Variants in E2F3 observed in about 807,000 individuals in gnomAD.
E2F3 encodes transcription factor E2F3.
A neutral mutation model predicts 44.4 loss-of-function variants in E2F3; 11 were observed. The observed-to-expected ratio is 0.25, with a 90% confidence interval of 0.16 to 0.41. The LOEUF is 0.41. E2F3 is among the 10% of genes least tolerant of loss of function. The pLI, the probability that E2F3 is intolerant of heterozygous loss-of-function variation, is 1.00. For synonymous variants in E2F3, 249 were observed against 253.0 expected (o/e 0.98, Z 0.15); for missense variants, 487 against 583.6 (o/e 0.83, Z 1.70).
intron 1 of E2F3, among the ~76,000 whole-genome samples, chr6:20,416,512 T>C (rs1759851135): frequency 6.6e-6 from 1 of 152,210 alleles, no homozygotes; most frequent in Non-Finnish European, 1.5e-5. Context: ...TCTTTTATTT[T>C]TTAAATGGTT....
intron 1 of E2F3, among the ~76,000 whole-genome samples, chr6:20,419,688 C>T (rs1312824572): frequency 6.6e-6 from 1 of 150,794 alleles, no homozygotes; most frequent in Non-Finnish European, 1.5e-5. Context: ...GCCTCAGCCT[C>T]CCCAGTAGCT....
intron 1 of E2F3, among the ~76,000 whole-genome samples, chr6:20,457,354 T>TC (rs1359868188): frequency 1.4e-5 from 2 of 146,088 alleles, no homozygotes; most frequent in Non-Finnish European, 3.0e-5. Context: ...TTTTCTTTTT[T>TC]TTTTTTTTTT....
intron 1 of E2F3, among the ~76,000 whole-genome samples, chr6:20,471,311 G>A (rs148099885): frequency 5.9e-5 from 9 of 152,142 alleles, no homozygotes; most frequent in East Asian, 1.9e-4. Flanking sequence ...GGCCGGGCAC[G>A]GTGGCTCACA....
rs1205447227 is a variant in E2F3 at position 20,402,605 on chromosome 6, G to A, written c.373G>A (p.Gly125Ser). Residue 125 changes from glycine to serine, a missense_variant, in exon 1 of 7, where the codon GGC becomes AGC. This residue lies in a region of E2F3 where 238 missense variants were observed against 236.0 expected (regional missense o/e 1.01). Transcript: ENST00000346618. The surrounding 1 kb of genome is among the most constrained non-coding windows in gnomAD (Gnocchi z 5.6). ...QPPALGRGGS[G>S]GGGGPPAKRR... ...ACCAGCGCTGGGACGCGGCGGCAGC[G>A]GCGGCGGCGGCGGCCCTCCGGTAAT... is the stretch of plus-strand genomic sequence containing the variant. The A allele has an allele frequency of 1.5e-5, 20 of 1,308,996 alleles. No individual in the cohort carries two copies. Among genetic ancestry groups the A allele is most frequent in the South Asian group, 8.8e-5 (4 of 45,204 alleles). The allele number at this position is 1,308,996 out of a possible 1,614,324, so 81.1% of individuals were successfully genotyped here.
At chr6:20,488,811 C>G (rs1192020793) in intron 6 of E2F3, among the ~76,000 whole-genome samples, 1 of 152,042 alleles carries the variant, frequency 6.6e-6, no homozygotes, top group Admixed American at 6.6e-5. Context: ...CTGGCCAACA[C>G]AGTGAAACCC....
At chr6:20,473,450 T>C (rs1761953914) in intron 1 of E2F3, among the ~76,000 whole-genome samples, 1 of 152,178 alleles carries the variant, frequency 6.6e-6, no homozygotes, top group South Asian at 2.1e-4. Flanking sequence ...GATAACAAAA[T>C]TGAGTGGAAA....
rs760908382 is a variant in E2F3, at chr6:20,482,747, TGTTTGG to T, written c.726-10_726-5del. 63 of 1,587,260 alleles carry T rather than the reference TGTTTGG, an allele frequency of 4.0e-5. No homozygotes were observed. Among genetic ancestry groups the T allele is most frequent in the Non-Finnish European group, 5.1e-5 (59 of 1,167,400 alleles). ...CCCATGAGTAGCCATGAAGAGTCTG[TGTTTGG>T]GTTTCTAGGGGCTGCAGTCTGTCTG... On this transcript the variant is annotated splice_polypyrimidine_tract_variant and intron_variant, in intron 3 of 6. Transcript: ENST00000346618.
chr6:20,481,179 C>T (rs191815365), intron 2 of E2F3, 27 bp from the exon 3 acceptor site: 2 of 1,609,120 alleles, frequency 1.2e-6, no homozygotes, highest in Admixed American at 1.7e-5. Context: ...CTATCCCCCA[C>T]CCGCTCGGTT....
At chr6:20,485,233 C>T (rs547830502) in intron 4 of E2F3, among the ~76,000 whole-genome samples, 1 of 152,146 alleles carries the variant, frequency 6.6e-6, no homozygotes, top group African/African-American at 2.4e-5. Flanking sequence ...TTCATGATAG[C>T]CTTTTAGGCT....
In E2F3 at chr6:20,402,136, G is replaced by C. The variant is rs1273165502; in HGVS notation, c.-97G>C. On this transcript the variant is annotated 5_prime_UTR_variant, in exon 1 of 7. Transcript: ENST00000346618. This position sits in a 1 kb window ranked among gnomAD's most constrained non-coding sequence, Gnocchi z 5.6. ...TCGGAAGCGCCGGGCGGGGAGGAGAGAAGGAGGAGAGACTTGGAAACTCCG... is the reference window on the plus strand; with the variant it reads ...TCGGAAGCGCCGGGCGGGGAGGAGACAAGGAGGAGAGACTTGGAAACTCCG... The C allele has an allele frequency of 2.8e-6, 4 of 1,444,748 alleles. No individual in the cohort carries two copies. The highest frequency in any genetic ancestry group is 3.6e-6 in the Non-Finnish European group (4 of 1,106,736). 89.5% of individuals were successfully genotyped at this position (1,444,748 alleles called of 1,614,324 possible).
At chr6:20,448,702 T>A (rs1761031009) in intron 1 of E2F3, among the ~76,000 whole-genome samples, 2 of 152,196 alleles carry the variant, frequency 1.3e-5, no homozygotes, top group Admixed American at 1.3e-4. Context: ...ATGTTGTATT[T>A]CTTGTCTGAT....
intron 4 of E2F3, 92 bp downstream of exon 4, chr6:20,483,012 A>G: frequency 1.9e-6 from 3 of 1,574,476 alleles, no homozygotes; most frequent in Non-Finnish European, 2.6e-6. Flanking sequence ...GTAGATTATT[A>G]TTCTGATGTC....
intron 1 of E2F3, among the ~76,000 whole-genome samples, chr6:20,447,442 C>G (rs1215626764): frequency 4.0e-5 from 5 of 125,884 alleles, no homozygotes. Flanking sequence ...GGAATGTAGT[C>G]CTAACCCCAA....
chr6:20,415,046 CTT>C (rs1222050987), intron 1 of E2F3, among the ~76,000 whole-genome samples: 1 of 152,206 alleles, frequency 6.6e-6, no homozygotes, highest in Non-Finnish European at 1.5e-5. Context: ...GGTAGGAACT[CTT>C]GAGTACTTGT....
intron 1 of E2F3, among the ~76,000 whole-genome samples, chr6:20,472,565 G>A (rs373200387): frequency 6.6e-6 from 1 of 152,100 alleles, no homozygotes; most frequent in African/African-American, 2.4e-5. Context: ...TACTCAGGAG[G>A]CTGAGGTGGG....
intron 1 of E2F3, among the ~76,000 whole-genome samples, chr6:20,455,213 G>A (rs1490193438): frequency 6.6e-6 from 1 of 152,144 alleles, no homozygotes; most frequent in Non-Finnish European, 1.5e-5. Flanking sequence ...TGCCTTTCTT[G>A]TCTTTTGAAG....
chr6:20,463,789 T>G (rs370532918), intron 1 of E2F3, among the ~76,000 whole-genome samples: 3 of 152,312 alleles, frequency 2.0e-5, no homozygotes, highest in African/African-American at 7.2e-5. Flanking sequence ...CTACTTCATC[T>G]ACCCAGAGAT....
At chr6:20,483,065 G>T (rs1187211951) in intron 4 of E2F3, 145 bp downstream of exon 4, 7 of 1,193,620 alleles carry the variant, frequency 5.9e-6, no homozygotes, top group Non-Finnish European at 8.2e-6. Context: ...ATGTGTGTGT[G>T]TGTGCACGTG....
chr6:20,482,836 G>A lies in E2F3; in HGVS notation c.800G>A (p.Ser267Asn). The part of the protein sequence containing the change: ...QGLSKEVTEL[S>N]QEEKKLDELI... ...CTGTCAAAAGAAGTGACCGAGCTCA[G>A]TCAGGAAGAGAAGAAATTAGATGAA... is the stretch of plus-strand genomic sequence containing the variant. The change falls in exon 4 of 7, where the codon AGT (serine) becomes AAT (asparagine). Residue 267 changes from serine (S) to asparagine (N), a missense_variant. Around this residue, in one of 3 missense-constraint regions of E2F3, gnomAD observed 220 missense variants for 261.7 expected, o/e 0.84. Coordinates refer to ENST00000346618, the MANE Select transcript of E2F3 (RefSeq NM_001949.5). The A allele has an allele frequency of 6.2e-7, 1 of 1,613,708 alleles. No homozygotes were observed. Among genetic ancestry groups the A allele is most frequent in the Non-Finnish European group, 8.5e-7 (1 of 1,179,772 alleles).
Sources: allele counts gnomAD v4.1 joint callset (sites outside exome capture counted in the v4.1 genomes callset), GRCh38; gene constraint gnomAD v4.1.1; regional missense constraint gnomAD v4.1.1; non-coding constraint Gnocchi (gnomAD v3.1); transcripts MANE v1.5; gene names NCBI Gene and HGNC (gene_info 2026-07-23, HGNC 2026-07-21).